The following A2M variants were observed in gnomAD, a reference collection of about 807,000 sequenced individuals.
The protein encoded by A2M is C3 and PZP-like alpha-2-macroglobulin domain-containing protein 5.
In A2M, 128 loss-of-function variants were observed where a neutral mutation model predicts 183.9. The observed-to-expected ratio is 0.70, with a 90% CI of 0.60 to 0.81. The LOEUF is 0.81. Among genes scored for constraint, A2M ranks in the 30% least tolerant of loss-of-function variants. A2M has a pLI of 0.00. For missense variants in A2M, 1,495 were observed against 1,787.6 expected (o/e 0.84, Z 2.95); for synonymous variants, 592 against 670.8 (o/e 0.88, Z 1.81).
chr12:9,079,371 G>A (rs758719131), intron 24 of A2M, 40 bp from the exon 25 acceptor site: 1 of 1,569,142 alleles, frequency 6.4e-7, no homozygotes, highest in Admixed American at 1.7e-5. Flanking sequence ...ATGGATTAAT[G>A]TGCATGCTGA....
intron 31 of A2M, among the ~76,000 whole-genome samples, chr12:9,071,331 C>G (rs1323775218): frequency 1.3e-5 from 2 of 152,052 alleles, no homozygotes; most frequent in African/African-American, 4.8e-5. Flanking sequence ...CAACAAAACA[C>G]TTAGAAACAC....
At chr12:9,076,277 CTAAG>C (rs1948745886) in intron 28 of A2M, among the ~76,000 whole-genome samples, 2 of 152,314 alleles carry the variant, frequency 1.3e-5, no homozygotes, top group Admixed American at 1.3e-4. Context: ...ATGTACTCTA[CTAAG>C]TGTTTTACGT....
At chr12:9,104,066 A>G (rs1420283889) in intron 11 of A2M, among the ~76,000 whole-genome samples, 173 bp downstream of exon 11, 1 of 152,222 alleles carries the variant, frequency 6.6e-6, no homozygotes, top group Non-Finnish European at 1.5e-5. Flanking sequence ...TTTAATCACA[A>G]TATACTGCCT....
chr12:9,093,550 G>A lies in A2M; in HGVS notation c.2155C>T (p.Arg719Cys), dbSNP rs759105548. Reference protein sequence around the residue: ...ESDVMGRGHARLVHVEEPHTE... With the variant: ...ESDVMGRGHACLVHVEEPHTE... ...TGAGGCTCTTCAACATGCACCAGGC[G>A]TGCATGGCCTCTTCCCATTACATCT... The change falls in exon 18 of 36, where the codon CGC becomes TGC. Residue 719 changes from arginine to cysteine, a missense_variant. Transcript: ENST00000318602. The A allele has an allele frequency of 1.2e-5, 19 of 1,609,250 alleles. No individual in the cohort carries two copies. The highest frequency in any genetic ancestry group is 2.7e-5 in the African/African-American group (2 of 74,292).
chr12:9,103,959 T>C (rs1206502397), intron 11 of A2M, among the ~76,000 whole-genome samples: 4 of 152,208 alleles, frequency 2.6e-5, no homozygotes. Context: ...ATTTGGTAAT[T>C]CTATTTTTTA....
Position 9,069,777 on chromosome 12 carries a change from T to A in A2M, c.4231A>T (p.Ser1411Cys), listed in dbSNP as rs200486795. Residue 1411 changes from serine (S) to cysteine (C), a missense_variant, in exon 33 of 36, where the codon AGC (serine) becomes TGC (cysteine). By Grantham distance (112) the Ser-to-Cys change is moderately radical. Coordinates refer to ENST00000318602, the MANE Select transcript of A2M (RefSeq NM_000014.6). The stretch of plus-strand genomic sequence containing the variant: ...AGGTAAATCAAGACATGGTTGCTGC[T>A]GACTTCTGTCCGGCTCACATGGTTA... ...RSNHVSRTEV[S>C]SNHVLIYLDK... 1 of 1,613,156 alleles carries A rather than the reference T, an allele frequency of 6.2e-7. No individual in the cohort carries two copies. Among genetic ancestry groups the A allele is most frequent in the Non-Finnish European group, 8.5e-7 (1 of 1,179,530 alleles).
chr12:9,081,515 G>C lies in A2M; in HGVS notation c.2771-1338C>G, dbSNP rs746580590. Among the ~76,000 whole-genome samples the C allele has an allele frequency of 8.5e-5, 13 of 152,304 alleles. No homozygotes were observed. In the South Asian group the frequency reaches 2.7e-3, roughly 32 times the overall value. ...AAAGTCCAACTAGCTGCTATCCACA[G>C]ATCAGAAAATCTATTTTGAAAACCC... On this transcript the variant is annotated intron_variant, in intron 22 of 35. Coordinates refer to ENST00000318602, the MANE Select transcript of A2M (RefSeq NM_000014.6).
At position 9,070,364 on chromosome 12, in the gene A2M, G is replaced by A. The variant is rs896301605; in HGVS notation, c.4194+124C>T. On this transcript the variant is annotated intron_variant, in intron 32 of 35. Coordinates refer to ENST00000318602, the MANE Select transcript of A2M (RefSeq NM_000014.6). ...ACACATGTGATTATATTTCTGAGCT[G>A]GAAAAAGGATAAGGCTTTGATAGAG... 3 of 702,768 alleles carry A rather than the reference G, an allele frequency of 4.3e-6. No individual in the cohort carries two copies. The African/African-American group carries it at 5.4e-5, about 13-fold the overall frequency. The allele number at this position is 702,768 out of a possible 1,614,324, so 43.5% of individuals were successfully genotyped here.
At chr12:9,102,250 C>G (rs750205593) in intron 11 of A2M, among the ~76,000 whole-genome samples, 7 of 152,154 alleles carry the variant, frequency 4.6e-5, no homozygotes, top group Non-Finnish European at 7.4e-5. Context: ...GGGTTTTGCT[C>G]TGGCGCCCAT....
At chr12:9,102,946 C>T (rs1565598932) in intron 11 of A2M, among the ~76,000 whole-genome samples, 1 of 152,052 alleles carries the variant, frequency 6.6e-6, no homozygotes. Flanking sequence ...CAGGCGTTTT[C>T]CATTACCATG....
At chr12:9,069,360 G>A (rs1948494734) in intron 33 of A2M, among the ~76,000 whole-genome samples, 1 of 152,152 alleles carries the variant, frequency 6.6e-6, no homozygotes, top group South Asian at 2.1e-4. Flanking sequence ...TCAAGTCCTT[G>A]TGGAGACTGA....
At chr12:9,074,846 G>A in intron 28 of A2M, 63 bp from the exon 29 acceptor site, 1 of 1,499,350 alleles carries the variant, frequency 6.7e-7, no homozygotes, top group Non-Finnish European at 9.0e-7. Context: ...CAAGGTGAAA[G>A]TACCCAAGCC....
At chr12:9,099,286 C>G in intron 14 of A2M, 95 bp downstream of exon 14, 1 of 1,193,716 alleles carries the variant, frequency 8.4e-7, no homozygotes, top group Non-Finnish European at 1.2e-6. Context: ...TTTGTTTAAC[C>G]CTTTTGGCCC....
At chr12:9,106,413 C>T (rs1938288632) in intron 9 of A2M, 68 bp from the exon 10 acceptor site, 7 of 1,436,020 alleles carry the variant, frequency 4.9e-6, no homozygotes, top group South Asian at 3.6e-5. Context: ...ATCACCTCCC[C>T]CCAACTTACA....
At chr12:9,068,982 G>A in intron 33 of A2M, 140 bp from the exon 34 acceptor site, 2 of 550,652 alleles carry the variant, frequency 3.6e-6, no homozygotes, top group East Asian at 5.8e-5. Context: ...AAATTGTGCA[G>A]AAATCTCTCA....
chr12:9,069,906 G>C, intron 32 of A2M, 93 bp from the exon 33 acceptor site: 1 of 1,062,008 alleles, frequency 9.4e-7, no homozygotes, highest in South Asian at 1.3e-5. Flanking sequence ...AAATAACCCT[G>C]AGGGTAGAAT....
intron 17 of A2M, 55 bp downstream of exon 17, chr12:9,094,918 A>C: frequency 2.0e-6 from 2 of 995,090 alleles, no homozygotes; most frequent in East Asian, 5.8e-5. Context: ...CTTTTAAAAA[A>C]TTTAAAATTT....
chr12:9,107,599 A>C lies in A2M; in HGVS notation c.804T>G (p.Ile268Met). The C allele has an allele frequency of 6.2e-7, 1 of 1,613,992 alleles. No homozygotes were observed. The highest frequency in any genetic ancestry group is 1.3e-5 in the African/African-American group (1 of 75,050). The change falls in exon 8 of 36, where the codon ATT becomes ATG. Residue 268 changes from isoleucine (I) to methionine (M), a missense_variant. Transcript: ENST00000318602. ...KPVPGHVTVS[I>M]CRKYSDASDC... ...CGGAAGCGTCACTATACTTTCTGCA[A>C]ATGCTCACAGTCACATGTCCAGGGA...
Position 9,100,147 on chromosome 12 carries a change from G to A in A2M, c.1559-624C>T, listed in dbSNP as rs1592376418. 2.0e-5 allele frequency among the ~76,000 whole-genome samples: 3 copies of A among 152,192 alleles called. No individual in the cohort carries two copies. In the South Asian group the frequency reaches 6.2e-4, roughly 31 times the overall value. ...TATGACATATTTGCTCATGGCAAGA[G>A]TCCGCTTCAGTCGGTAGAAGTACCC... On this transcript the variant is annotated intron_variant, in intron 13 of 35. Transcript: ENST00000318602.
Sources: allele counts gnomAD v4.1 joint callset (sites outside exome capture counted in the v4.1 genomes callset), GRCh38; gene constraint gnomAD v4.1.1; transcripts MANE v1.5; gene names NCBI Gene and HGNC (gene_info 2026-07-23, HGNC 2026-07-21).